C8orf34: variants seen among roughly 807,000 people sequenced by gnomAD.
The protein encoded by C8orf34 is chromosome 8 open reading frame 34.
C8orf34 carries 65 observed loss-of-function variants against 68.3 expected under a neutral mutation model. The observed-to-expected ratio is 0.95, with a 90% CI of 0.78 to 1.17. The LOEUF is 1.17. Among genes scored for constraint, C8orf34 ranks in the 50% most tolerant of loss-of-function variants. C8orf34 has a pLI of 0.00. For synonymous variants in C8orf34, 244 were observed against 241.2 expected (o/e 1.01, Z -0.11); for missense variants, 664 against 655.4 (o/e 1.01, Z -0.14).
intron 9 of C8orf34, among the ~76,000 whole-genome samples, chr8:68,714,259 A>G (rs772635089): frequency 1.3e-5 from 2 of 152,162 alleles, no homozygotes. Flanking sequence ...CACCACTTCT[A>G]TTCACATAGT....
At chr8:68,805,336 T>C (rs551262059) in intron 12 of C8orf34, among the ~76,000 whole-genome samples, 32 of 152,238 alleles carry the variant, frequency 2.1e-4, no homozygotes, top group Admixed American at 5.2e-4. Context: ...GAGTTTTCTT[T>C]ATGTGTCCAT....
At chr8:68,433,381 AT>A (rs1810528547) in intron 1 of C8orf34, among the ~76,000 whole-genome samples, 1 of 152,214 alleles carries the variant, frequency 6.6e-6, no homozygotes, top group Non-Finnish European at 1.5e-5. Context: ...TCCATCATTA[AT>A]AGAGTACAAT....
chr8:68,374,975 T>C (rs76109451), intron 1 of C8orf34, among the ~76,000 whole-genome samples: 4,296 of 152,254 alleles, frequency 0.028, 77 homozygotes, highest in Middle Eastern at 0.061. Context: ...TACTGCAAAA[T>C]AAGATGGCAA....
intron 10 of C8orf34, among the ~76,000 whole-genome samples, chr8:68,765,019 C>T (rs527799549): frequency 6.6e-6 from 1 of 152,280 alleles, no homozygotes; most frequent in African/African-American, 2.4e-5. Context: ...AAGTCTTAAG[C>T]ATATCCCTCA....
intron 7 of C8orf34, among the ~76,000 whole-genome samples, chr8:68,575,079 A>T (rs943235168): frequency 2.0e-5 from 3 of 152,104 alleles, no homozygotes; most frequent in African/African-American, 7.2e-5. Context: ...CAAAAATGAC[A>T]TATCTATATT....
intron 10 of C8orf34, among the ~76,000 whole-genome samples, chr8:68,753,725 C>T (rs77234377): frequency 0.011 from 1,691 of 152,296 alleles, 32 homozygotes; most frequent in African/African-American, 0.039. Flanking sequence ...GAGATAGGCC[C>T]TGTCCTACAA....
intron 7 of C8orf34, among the ~76,000 whole-genome samples, chr8:68,619,043 G>T (rs1438830492): frequency 2.0e-5 from 3 of 152,064 alleles, no homozygotes; most frequent in Non-Finnish European, 2.9e-5. Flanking sequence ...TAAAGGAGAG[G>T]TTGGGCTGGG....
intron 7 of C8orf34, among the ~76,000 whole-genome samples, chr8:68,595,193 A>G (rs13278831): frequency 0.022 from 3,377 of 151,696 alleles, 65 homozygotes; most frequent in Non-Finnish European, 0.033. Flanking sequence ...CTTACCCCCC[A>G]AATACTTTTA....
intron 7 of C8orf34, among the ~76,000 whole-genome samples, chr8:68,588,587 C>T (rs1448832286): frequency 6.6e-6 from 1 of 151,958 alleles, no homozygotes; most frequent in East Asian, 1.9e-4. Flanking sequence ...GTCTAGCAAC[C>T]CAGTCGAATG....
intron 8 of C8orf34, among the ~76,000 whole-genome samples, chr8:68,692,310 C>G (rs916443948): frequency 6.6e-6 from 1 of 152,036 alleles, no homozygotes; most frequent in African/African-American, 2.4e-5. Flanking sequence ...TGAGAAATAA[C>G]TAGACTGTGG....
chr8:68,558,469 CTAACTA>C (rs1289131693), intron 7 of C8orf34, among the ~76,000 whole-genome samples: 1 of 151,900 alleles, frequency 6.6e-6, no homozygotes, highest in African/African-American at 2.4e-5. Flanking sequence ...AAGAAAATCT[CTAACTA>C]TATAGTTTCT....
At chr8:68,673,008 G>A (rs1349846068) in intron 8 of C8orf34, among the ~76,000 whole-genome samples, 1 of 152,146 alleles carries the variant, frequency 6.6e-6, no homozygotes, top group African/African-American at 2.4e-5. Flanking sequence ...GACATTTCTA[G>A]AAATACCCTG....
chr8:68,576,986 T>A (rs887127583), intron 7 of C8orf34, among the ~76,000 whole-genome samples: 6 of 152,010 alleles, frequency 3.9e-5, no homozygotes, highest in African/African-American at 1.4e-4. Flanking sequence ...TGTATAATAT[T>A]TGTAAATATT....
At chr8:68,727,821 G>A (rs1821875618) in intron 10 of C8orf34, among the ~76,000 whole-genome samples, 1 of 152,168 alleles carries the variant, frequency 6.6e-6, no homozygotes, top group Non-Finnish European at 1.5e-5. Flanking sequence ...TCCCTAAGCT[G>A]CACACAGCAT....
At chr8:68,766,159 T>G (rs1180244334) in intron 10 of C8orf34, among the ~76,000 whole-genome samples, 1 of 152,212 alleles carries the variant, frequency 6.6e-6, no homozygotes. Flanking sequence ...TTTTTTAAGT[T>G]AAGGAAATAT....
intron 1 of C8orf34, among the ~76,000 whole-genome samples, chr8:68,375,347 A>G (rs1807746143): frequency 6.6e-6 from 1 of 152,226 alleles, no homozygotes; most frequent in South Asian, 2.1e-4. Context: ...AATTTTACAC[A>G]TAATAAAACA....
chr8:68,749,428 A>G (rs1193853099), intron 10 of C8orf34, among the ~76,000 whole-genome samples: 1 of 152,184 alleles, frequency 6.6e-6, no homozygotes, highest in Non-Finnish European at 1.5e-5. Context: ...CAGAAAGGAC[A>G]AATAGAAAGC....
At chr8:68,717,492 C>CAA (rs10555331) in intron 9 of C8orf34, among the ~76,000 whole-genome samples, 2 of 114,960 alleles carry the variant, frequency 1.7e-5, no homozygotes, top group Non-Finnish European at 3.9e-5. Context: ...GACTCTGTCT[C>CAA]AAAAAAAAAA....
chr8:68,634,132 A>AT (rs1818771057), intron 7 of C8orf34, among the ~76,000 whole-genome samples: 2 of 151,948 alleles, frequency 1.3e-5, no homozygotes, highest in African/African-American at 2.4e-5. Flanking sequence ...AGGTTGAGAT[A>AT]TTTTTAAAGA....
Sources: allele counts gnomAD v4.1 joint callset (sites outside exome capture counted in the v4.1 genomes callset), GRCh38; gene constraint gnomAD v4.1.1; transcripts MANE v1.5; gene names NCBI Gene and HGNC (gene_info 2026-07-23, HGNC 2026-07-21).